Variants in CRAT observed in about 807,000 individuals in gnomAD.
The protein encoded by CRAT is carnitine acetylase.
Under a neutral mutation model 73.7 loss-of-function variants are expected in CRAT, and 66 were observed. That is an observed-to-expected ratio of 0.90 (90% confidence interval 0.73 to 1.10). The LOEUF (loss-of-function observed/expected upper bound fraction) is 1.10, where lower values mean the gene tolerates loss of function less well. Ranked by LOEUF, CRAT falls within the 50% of genes least tolerant of loss-of-function variation. The pLI is 0.00. For missense variants in CRAT, 745 were observed against 846.9 expected (o/e 0.88, Z 1.49); for synonymous variants, 321 against 343.2 (o/e 0.94, Z 0.71).
Position 129,098,665 on chromosome 9 carries a change from G to T in CRAT, c.1086-15C>A. 6.3e-7 allele frequency: 1 copy of T among 1,597,854 alleles called. No homozygotes were observed. Among genetic ancestry groups the T allele is most frequent in the Non-Finnish European group, 8.5e-7 (1 of 1,175,784 alleles). On this transcript the variant is annotated splice_polypyrimidine_tract_variant and intron_variant, in intron 8 of 13. Transcript: ENST00000318080. ...CGGGTTTCTTCCTGCACAGTAAACGGGGCCTCAGGCTCATGCTGGTGCCTC... is the reference window on the plus strand; with the variant it reads ...CGGGTTTCTTCCTGCACAGTAAACGTGGCCTCAGGCTCATGCTGGTGCCTC...
chr9:129,105,780 GA>G (rs1847976133), intron 2 of CRAT, among the ~76,000 whole-genome samples: 1 of 152,138 alleles, frequency 6.6e-6, no homozygotes, highest in Non-Finnish European at 1.5e-5. Flanking sequence ...CTGCAAGGAT[GA>G]ATCCTTATGC....
At position 129,107,848 on chromosome 9, in the gene CRAT, C is replaced by T; in HGVS notation, c.257G>A (p.Gly86Glu). The part of the protein sequence containing the change: ...SGGVGERLQK[G>E]LERRARKTEN... ...CGTCTTCCTGGCCCGACGCTCCAGC[C>T]CCTTCTGCAGGCGCTCCCCTACACC... Residue 86 changes from glycine (G) to glutamate (E), a missense_variant, in exon 2 of 14, where the codon GGG (glycine) becomes GAG (glutamate). Transcript: ENST00000318080. This position sits in a 1 kb window ranked among gnomAD's most constrained non-coding sequence, Gnocchi z 5.0. The T allele has an allele frequency of 6.2e-7, 1 of 1,612,942 alleles. No individual in the cohort carries two copies. Among genetic ancestry groups the T allele is most frequent in the Non-Finnish European group, 8.5e-7 (1 of 1,180,020 alleles).
Position 129,107,808 on chromosome 9 carries a change from A to C in CRAT, c.291+6T>G, listed in dbSNP as rs776037520. The C allele has an allele frequency of 1.1e-5, 18 of 1,612,936 alleles. No homozygotes were observed. Among genetic ancestry groups the C allele is most frequent in the Non-Finnish European group, 1.5e-5 (18 of 1,179,982 alleles). On this transcript the variant is annotated splice_donor_region_variant and intron_variant, in intron 2 of 13. Coordinates refer to ENST00000318080, the MANE Select transcript of CRAT (RefSeq NM_000755.5). This position sits in a 1 kb window ranked among gnomAD's most constrained non-coding sequence, Gnocchi z 5.0. ...AGCAGGTCACAGTGAGGATGCCCTC[A>C]CTCACCCAGTTCTCCGTCTTCCTGG... is the stretch of plus-strand genomic sequence containing the variant.
rs780607335 is a variant in CRAT at position 129,108,274 on chromosome 9, G to T, written c.28-197C>A. ...GGGGCCTGGAGATGCAGGTAGGGAT[G>T]GGGGAGGGTGGGGTGTGGCCATGGT... On this transcript the variant is annotated intron_variant, in intron 1 of 13. Transcript: ENST00000318080. The T allele has an allele frequency of 4.7e-4, 461 of 980,612 alleles. 3 individuals carry two copies. The highest frequency in any genetic ancestry group is 5.8e-4 in the Non-Finnish European group (416 of 712,460). 60.7% of individuals were successfully genotyped at this position (980,612 alleles called of 1,614,324 possible).
rs934342107 is a variant in CRAT, at chr9:129,095,083, C to T, written c.*314G>A. The T allele has an allele frequency of 2.4e-6, 1 of 424,616 alleles. No homozygotes were observed. The highest frequency in any genetic ancestry group is 4.3e-6 in the Non-Finnish European group (1 of 230,782). 26.3% of individuals were successfully genotyped at this position (424,616 alleles called of 1,614,324 possible). A position where few individuals can be genotyped will look rare whatever the true frequency, so the allele number is the denominator to read the frequency against. ...TGAGACAAAGAGCTCTTGCCAGTCT[C>T]CTGCTCTGGAGGGCTGGTTCCCTTC... On this transcript the variant is annotated 3_prime_UTR_variant, in exon 14 of 14. Transcript: ENST00000318080.
intron 13 of CRAT, 31 bp downstream of exon 13, chr9:129,095,967 A>G: frequency 1.2e-6 from 2 of 1,613,412 alleles, no homozygotes; most frequent in Non-Finnish European, 1.7e-6. Context: ...CTCTGCCTCC[A>G]GCCCCCGGGG....
At chr9:129,100,141 A>C in intron 7 of CRAT, 175 bp from the exon 8 acceptor site, 1 of 596,074 alleles carries the variant, frequency 1.7e-6, no homozygotes, top group East Asian at 2.8e-5. Flanking sequence ...TGTGCTAAGC[A>C]CATCCCACGC....
At position 129,098,107 on chromosome 9, in the gene CRAT, A is replaced by G; in HGVS notation, c.1370T>C (p.Leu457Pro). Residue 457 changes from leucine to proline, a missense_variant, in exon 11 of 14, where the codon CTG becomes CCG. Physicochemically the swap from Leu to Pro is moderately conservative, Grantham distance 98. Coordinates refer to ENST00000318080, the MANE Select transcript of CRAT (RefSeq NM_000755.5). ...QACATYESAS[L>P]RMFHLGRTDT... ...GGTGCGGCCCAGGTGAAACATGCGC[A>G]GGGAGGCACTTTCATAGGTGGCACA... 6.2e-7 allele frequency: 1 copy of G among 1,614,034 alleles called. No homozygotes were observed. The highest frequency in any genetic ancestry group is 8.5e-7 in the Non-Finnish European group (1 of 1,180,036).
intron 3 of CRAT, 124 bp downstream of exon 3, chr9:129,104,064 C>T (rs3750337): frequency 1.6e-6 from 1 of 632,264 alleles, no homozygotes; most frequent in Admixed American, 2.9e-5. Context: ...GGAGGATGCT[C>T]CCTACTTCAT....
intron 1 of CRAT, chr9:129,108,942 C>A: frequency 8.0e-7 from 1 of 1,256,066 alleles, no homozygotes; most frequent in South Asian, 1.4e-5. Flanking sequence ...CAGCGGGAGG[C>A]AGGTGGCAGT....
intron 1 of CRAT, chr9:129,108,370 G>A (rs1848152679): frequency 7.4e-6 from 9 of 1,218,930 alleles, no homozygotes; most frequent in East Asian, 7.9e-5. Flanking sequence ...GAGGGGGACC[G>A]CCCACCTGTT....
At position 129,107,371 on chromosome 9, in the gene CRAT, A is replaced by T; in HGVS notation, c.291+443T>A. ...CTGTGTATTGAAGTATGAGATGCAAATAGAAAAGCACACCAAACATTGGTG... is the reference window on the plus strand; with the variant it reads ...CTGTGTATTGAAGTATGAGATGCAATTAGAAAAGCACACCAAACATTGGTG... On this transcript the variant is annotated intron_variant, in intron 2 of 13. Coordinates refer to ENST00000318080, the MANE Select transcript of CRAT (RefSeq NM_000755.5). This position sits in a 1 kb window ranked among gnomAD's most constrained non-coding sequence, Gnocchi z 5.0. 1 of 530,432 alleles carries T rather than the reference A, an allele frequency of 1.9e-6. No homozygotes were observed. Among genetic ancestry groups the T allele is most frequent in the Non-Finnish European group, 3.4e-6 (1 of 296,810 alleles). 32.9% of individuals were successfully genotyped at this position (530,432 alleles called of 1,614,324 possible).
At chr9:129,109,244 C>A (rs934121229) in intron 1 of CRAT, 2 of 1,304,034 alleles carry the variant, frequency 1.5e-6, no homozygotes, top group Non-Finnish European at 2.0e-6. Context: ...GACTGCCTGG[C>A]CGCTGAGGTT....
rs202146471 is a variant in CRAT at position 129,110,471 on chromosome 9, C to A, written c.27+12G>T. 134 of 1,582,050 alleles carry A rather than the reference C, an allele frequency of 8.5e-5. No individual in the cohort carries two copies. Among genetic ancestry groups the A allele is most frequent in the Non-Finnish European group, 1.6e-5 (19 of 1,171,292 alleles). On this transcript the variant is annotated intron_variant, in intron 1 of 13. Coordinates refer to ENST00000318080, the MANE Select transcript of CRAT (RefSeq NM_000755.5). This position sits in a 1 kb window ranked among gnomAD's most constrained non-coding sequence, Gnocchi z 5.3. ...GTCCAGGGCCCTCAGGCCCGGGATC[C>A]GCCGCACTCACCACGGTCCTGGCAG...
rs1471607034 is a variant in CRAT at position 129,103,642 on chromosome 9, G to A, written c.410+546C>T. On this transcript the variant is annotated intron_variant, in intron 3 of 13. Transcript: ENST00000318080. The surrounding 1 kb of genome is among the most constrained non-coding windows in gnomAD (Gnocchi z 4.6). ...GATCCCACCATGGGGACCAGTGGCT[G>A]GAGTTCCTGGGCCTGAACCCCGGCC... 6.6e-6 allele frequency among the ~76,000 whole-genome samples: 1 copy of A among 152,194 alleles called. No individual in the cohort carries two copies. Among genetic ancestry groups the A allele is most frequent in the Non-Finnish European group, 1.5e-5 (1 of 68,014 alleles).
At chr9:129,108,560 T>C in intron 1 of CRAT, 2 of 1,106,168 alleles carry the variant, frequency 1.8e-6, no homozygotes, top group Non-Finnish European at 2.3e-6. Flanking sequence ...TGAGGGGCCT[T>C]GGGCTTCCTC....
Position 129,110,753 on chromosome 9 carries a change from G to GCGC in CRAT, c.-245_-244insGCG. 1.4e-5 allele frequency: 8 copies of GCGC among 574,628 alleles called. No homozygotes were observed. Among genetic ancestry groups the GCGC allele is most frequent in the Non-Finnish European group, 2.3e-5 (8 of 348,150 alleles). 35.6% of individuals were successfully genotyped at this position (574,628 alleles called of 1,614,324 possible). A position where few individuals can be genotyped will look rare whatever the true frequency, so the allele number is the denominator to read the frequency against. On this transcript the variant is annotated 5_prime_UTR_variant, in exon 1 of 14. Coordinates refer to ENST00000318080, the MANE Select transcript of CRAT (RefSeq NM_000755.5). This position sits in a 1 kb window ranked among gnomAD's most constrained non-coding sequence, Gnocchi z 5.3. ...GGCCTGGGCCGGTAGCGGGCCCCGG[G>GCGC]CGGGCAACGGTGCCCGGGAGGTTGG...
Position 129,110,301 on chromosome 9 carries a change from G to T in CRAT, c.27+182C>A, listed in dbSNP as rs1018555885. 3.3e-5 allele frequency among the ~76,000 whole-genome samples: 5 copies of T among 152,194 alleles called. No individual in the cohort carries two copies. The highest frequency in any genetic ancestry group is 7.3e-5 in the Non-Finnish European group (5 of 68,036). On this transcript the variant is annotated intron_variant, in intron 1 of 13. Coordinates refer to ENST00000318080, the MANE Select transcript of CRAT (RefSeq NM_000755.5). This position sits in a 1 kb window ranked among gnomAD's most constrained non-coding sequence, Gnocchi z 5.3. ...TGCTCCAGGACGTGGGTTTAATCCC[G>T]CTTCTGACCTTGCGCCCCAATCTCC... is the stretch of plus-strand genomic sequence containing the variant.
rs1354903137 is a variant in CRAT, at chr9:129,106,737, AG to A, written c.291+1076del. 2.0e-5 allele frequency among the ~76,000 whole-genome samples: 3 copies of A among 151,990 alleles called. No homozygotes were observed. Among genetic ancestry groups the A allele is most frequent in the African/African-American group, 7.3e-5 (3 of 41,372 alleles). ...AGCCTCCGCCAAGCCCCAGGGCTAGAGCTCTACCTCCCCTCCCCATGGCACC... is the reference window on the plus strand; with the variant it reads ...AGCCTCCGCCAAGCCCCAGGGCTAGACTCTACCTCCCCTCCCCATGGCACC... On this transcript the variant is annotated intron_variant, in intron 2 of 13. Transcript: ENST00000318080. This position sits in a 1 kb window ranked among gnomAD's most constrained non-coding sequence, Gnocchi z 4.0.
Sources: allele counts gnomAD v4.1 joint callset (sites outside exome capture counted in the v4.1 genomes callset), GRCh38; gene constraint gnomAD v4.1.1; non-coding constraint Gnocchi (gnomAD v3.1); transcripts MANE v1.5; gene names NCBI Gene and HGNC (gene_info 2026-07-23, HGNC 2026-07-21).